Variants in LCMT1 observed in about 807,000 individuals in gnomAD.
LCMT1 encodes [Phosphatase 2A protein]-leucine-carboxy methyltransferase 1.
LCMT1 carries 32 observed loss-of-function variants against 47.7 expected under a neutral mutation model. That is an observed-to-expected ratio of 0.67 (90% confidence interval 0.51 to 0.90). The LOEUF (loss-of-function observed/expected upper bound fraction) is 0.90. LCMT1 is among the 40% of genes least tolerant of loss of function. LCMT1 has a pLI of 0.00. For synonymous variants in LCMT1, 152 were observed against 149.7 expected (o/e 1.02, Z -0.11); for missense variants, 375 against 415.2 (o/e 0.90, Z 0.84).
chr16:25,155,876 C>G (rs1961240580), intron 5 of LCMT1, among the ~76,000 whole-genome samples: 1 of 152,080 alleles, frequency 6.6e-6, no homozygotes, highest in Non-Finnish European at 1.5e-5. Context: ...GAGACAGGGT[C>G]TCGCTATGTT....
chr16:25,155,741 A>G (rs966630534), intron 5 of LCMT1, among the ~76,000 whole-genome samples: 4 of 150,660 alleles, frequency 2.7e-5, no homozygotes, highest in African/African-American at 4.9e-5. Flanking sequence ...CAGTGGTGCA[A>G]TTGGTCACAG....
chr16:25,152,232 A>G (rs1961103927), intron 5 of LCMT1, among the ~76,000 whole-genome samples: 1 of 152,160 alleles, frequency 6.6e-6, no homozygotes, highest in Admixed American at 6.5e-5. Context: ...GTTGGGTTGG[A>G]TGACAGCAGC....
At chr16:25,114,859 C>T (rs561480585) in intron 1 of LCMT1, among the ~76,000 whole-genome samples, 23 of 152,276 alleles carry the variant, frequency 1.5e-4, no homozygotes, top group African/African-American at 4.3e-4. Context: ...AGCCTTCCTG[C>T]CCAACTGGAG....
intron 7 of LCMT1, 117 bp from the exon 8 acceptor site, chr16:25,168,995 C>A: frequency 1.4e-6 from 1 of 729,222 alleles, no homozygotes; most frequent in Non-Finnish European, 2.4e-6. Flanking sequence ...GTTTCCTATG[C>A]TGGGTGTGCG....
intron 1 of LCMT1, among the ~76,000 whole-genome samples, chr16:25,118,815 G>A (rs941646302): frequency 6.6e-6 from 1 of 152,112 alleles, no homozygotes; most frequent in African/African-American, 2.4e-5. Context: ...GAGGGATGGG[G>A]ATGAGTGCAG....
intron 9 of LCMT1, 143 bp from the exon 10 acceptor site, chr16:25,174,794 G>A: frequency 2.3e-6 from 1 of 425,578 alleles, no homozygotes; most frequent in Non-Finnish European, 4.1e-6. Context: ...CATTAAAATG[G>A]AGCCACACCA....
chr16:25,161,567 C>G (rs1456486084), intron 6 of LCMT1, among the ~76,000 whole-genome samples: 3 of 152,062 alleles, frequency 2.0e-5, no homozygotes, highest in African/African-American at 7.2e-5. Flanking sequence ...TGTAGTCAGG[C>G]TGGTCTCAAA....
intron 9 of LCMT1, among the ~76,000 whole-genome samples, chr16:25,171,707 C>T (rs1035900043): frequency 6.6e-6 from 1 of 152,122 alleles, no homozygotes; most frequent in Non-Finnish European, 1.5e-5. Context: ...ATGGACTTTT[C>T]TCCCCATTAT....
Position 25,111,790 on chromosome 16 carries a change from T to G in LCMT1, c.-94T>G. 1 of 846,340 alleles carries G rather than the reference T, an allele frequency of 1.2e-6. No homozygotes were observed. The highest frequency in any genetic ancestry group is 1.5e-5 in the South Asian group (1 of 68,470). 52.4% of individuals were successfully genotyped at this position (846,340 alleles called of 1,614,324 possible). A position where few individuals can be genotyped will look rare whatever the true frequency, so the allele number is the denominator to read the frequency against. On this transcript the variant is annotated 5_prime_UTR_variant, in exon 1 of 11. Transcript: ENST00000399069. Reference sequence around the variant, plus strand: ...CCAGGTAGGGCCCTACCCTCTTCTGTTGCTTTCTCCCTGTGGCTCGCGCCG... The same window carrying G: ...CCAGGTAGGGCCCTACCCTCTTCTGGTGCTTTCTCCCTGTGGCTCGCGCCG...
chr16:25,169,526 T>G lies in LCMT1; in HGVS notation c.792+313T>G, dbSNP rs190587387. On this transcript the variant is annotated intron_variant, in intron 8 of 10. Coordinates refer to ENST00000399069, the MANE Select transcript of LCMT1 (RefSeq NM_016309.3). ...ACTTCAGTATTTCTTATATTATCAG[T>G]GTTATTTCCTATATTCCCCCACAAT... The G allele has an allele frequency of 1.9e-3, 408 of 210,204 alleles. 1 individual carries two copies. The highest frequency in any genetic ancestry group is 7.4e-3 in the Middle Eastern group (4 of 540). The allele number at this position is 210,204 out of a possible 1,614,324, so 13.0% of individuals were successfully genotyped here. A position where few individuals can be genotyped will look rare whatever the true frequency, so the allele number is the denominator to read the frequency against.
At chr16:25,137,145 C>T (rs974068702) in intron 3 of LCMT1, among the ~76,000 whole-genome samples, 1 of 152,182 alleles carries the variant, frequency 6.6e-6, no homozygotes, top group African/African-American at 2.4e-5. Flanking sequence ...ACCAATTCTC[C>T]TGCCTCAGCC....
chr16:25,170,758 C>T lies in LCMT1; in HGVS notation c.837C>T (p.Val279=), dbSNP rs776440237. Residue 279 remains valine, a synonymous_variant, in exon 9 of 11, where the codon GTC becomes GTT. Coordinates refer to ENST00000399069, the MANE Select transcript of LCMT1 (RefSeq NM_016309.3). ...LSNGWETASA[V]DMMELYNRLP... ...ATGGGTGGGAAACAGCATCGGCCGT[C>T]GACATGATGGAGTTGTACAACAGGT... The T allele has an allele frequency of 1.9e-5, 31 of 1,613,256 alleles. No homozygotes were observed. The highest frequency in any genetic ancestry group is 1.0e-4 in the Admixed American group (6 of 59,958).
intron 5 of LCMT1, among the ~76,000 whole-genome samples, chr16:25,155,348 A>AT (rs1961221913): frequency 6.6e-6 from 1 of 152,090 alleles, no homozygotes; most frequent in Admixed American, 6.6e-5. Flanking sequence ...AGGTGGGAGC[A>AT]TTGCTGAGGG....
intron 3 of LCMT1, among the ~76,000 whole-genome samples, chr16:25,135,682 A>G (rs1381499794): frequency 3.3e-5 from 5 of 152,154 alleles, no homozygotes; most frequent in African/African-American, 4.8e-5. Flanking sequence ...GCTGTGAGTC[A>G]TGGGTGTGAG....
chr16:25,149,337 C>T (rs1035673147), intron 4 of LCMT1, among the ~76,000 whole-genome samples: 2 of 152,158 alleles, frequency 1.3e-5, no homozygotes, highest in Non-Finnish European at 2.9e-5. Context: ...AAAGATTGGA[C>T]ACCCCTGCTG....
chr16:25,178,014 A>G lies in LCMT1; in HGVS notation c.996A>G (p.Ile332Met), dbSNP rs919528087. Residue 332 changes from isoleucine to methionine, a missense_variant, in exon 11 of 11, where the codon ATA becomes ATG. Ile to Met is a conservative substitution (Grantham distance 10, BLOSUM62 1). Transcript: ENST00000399069. ...CTCTCCCCTCAGGGCTGAAGGAGAT[A>G]ACTTATTAATCTGTCGAAGGCTTAT... ...KGGNELGLKE[I>M]TY is the part of the protein sequence containing the mutation. 6.2e-6 allele frequency: 10 copies of G among 1,613,700 alleles called. No individual in the cohort carries two copies. The highest frequency in any genetic ancestry group is 8.5e-7 in the Non-Finnish European group (1 of 1,179,808).
intron 4 of LCMT1, among the ~76,000 whole-genome samples, chr16:25,149,638 G>T (rs142816183): frequency 2.0e-5 from 3 of 152,306 alleles, no homozygotes; most frequent in African/African-American, 7.2e-5. Flanking sequence ...CCTTGCCCAG[G>T]CACAGTGGCT....
intron 5 of LCMT1, among the ~76,000 whole-genome samples, chr16:25,158,116 C>T (rs1025808948): frequency 9.2e-5 from 14 of 152,238 alleles, no homozygotes; most frequent in Admixed American, 3.9e-4. Context: ...GGACACCACC[C>T]CTGTGTTCCA....
chr16:25,173,922 AT>A lies in LCMT1; in HGVS notation c.885-1008del, dbSNP rs1567330896. Among the ~76,000 whole-genome samples, 5 of 151,828 alleles carry A rather than the reference AT, an allele frequency of 3.3e-5. No homozygotes were observed. In the South Asian group the frequency reaches 1.0e-3, roughly 31 times the overall value. ...TGTGTGTATATAGTTATTTATTTTT[AT>A]TTTTTTGAGACCGAGTCTCGCTCTG... On this transcript the variant is annotated intron_variant, in intron 9 of 10. Coordinates refer to ENST00000399069, the MANE Select transcript of LCMT1 (RefSeq NM_016309.3).
Sources: allele counts gnomAD v4.1 joint callset (sites outside exome capture counted in the v4.1 genomes callset), GRCh38; gene constraint gnomAD v4.1.1; transcripts MANE v1.5; gene names NCBI Gene and HGNC (gene_info 2026-07-23, HGNC 2026-07-21).